Variants in GOLPH3L observed in about 807,000 individuals in gnomAD.
GOLPH3L encodes the protein Golgi phosphoprotein 3-like.
Under a neutral mutation model 30.3 loss-of-function variants are expected in GOLPH3L, and 22 were observed. The ratio of observed to expected loss-of-function variants is 0.73; its 90% CI spans 0.52 to 1.04. GOLPH3L has a LOEUF of 1.04. Among genes scored for constraint, GOLPH3L ranks in the 50% least tolerant of loss-of-function variants. The probability of loss-of-function intolerance (pLI) is 0.00; values close to 1 mark genes in which losing one functional copy is unlikely to be tolerated. For missense variants in GOLPH3L, 303 were observed against 345.8 expected, an observed-to-expected ratio of 0.88 and a Z score of 0.98; for synonymous variants, 120 against 128.2, an observed-to-expected ratio of 0.94 and a Z score of 0.43.
intron 4 of GOLPH3L, among the ~76,000 whole-genome samples, chr1:150,657,427 C>T (rs1055482122): frequency 3.3e-5 from 5 of 152,218 alleles, no homozygotes; most frequent in Admixed American, 6.5e-5. Flanking sequence ...ATGGTATATT[C>T]CTCATCTTTT....
At chr1:150,688,288 T>C (rs765129449) in intron 2 of GOLPH3L, among the ~76,000 whole-genome samples, 9 of 152,266 alleles carry the variant, frequency 5.9e-5, no homozygotes, top group Non-Finnish European at 1.0e-4. Flanking sequence ...TCAGCTCTCA[T>C]ACTTCAGTTT....
intron 2 of GOLPH3L, among the ~76,000 whole-genome samples, chr1:150,667,574 GTCTTT>G (rs1414157782): frequency 6.7e-6 from 1 of 150,344 alleles, no homozygotes; most frequent in African/African-American, 2.4e-5. Context: ...CTATTTACTA[GTCTTT>G]TCTTTTTTTT....
chr1:150,656,989 T>C (rs1489392996), intron 4 of GOLPH3L, among the ~76,000 whole-genome samples: 1 of 152,348 alleles, frequency 6.6e-6, no homozygotes. Context: ...GGTAAAGTTT[T>C]CCAGACGCCC....
chr1:150,662,339 T>G (rs976322664), intron 3 of GOLPH3L, among the ~76,000 whole-genome samples: 1 of 151,686 alleles, frequency 6.6e-6, no homozygotes, highest in African/African-American at 2.4e-5. Context: ...TGGCAAAATC[T>G]TTTCTCTATT....
intron 2 of GOLPH3L, among the ~76,000 whole-genome samples, chr1:150,665,282 G>A (rs1307407625): frequency 6.6e-6 from 1 of 152,064 alleles, no homozygotes; most frequent in African/African-American, 2.4e-5. Context: ...TGTTTTTTTG[G>A]TGGTGTTTTA....
At chr1:150,654,234 T>C (rs1650190182) in intron 4 of GOLPH3L, among the ~76,000 whole-genome samples, 1 of 151,284 alleles carries the variant, frequency 6.6e-6, no homozygotes, top group African/African-American at 2.4e-5. Flanking sequence ...GGGCTGGGCA[T>C]GGTGGCTCAT....
Position 150,647,142 on chromosome 1 carries a change from T to C in GOLPH3L, c.*1179A>G, listed in dbSNP as rs1286777541. ...AAAAAGATCTGGAGTTCAGATATAC[T>C]GATATATTCAGCAACTGAAACTTAC... On this transcript the variant is annotated 3_prime_UTR_variant, in exon 5 of 5. Coordinates refer to ENST00000271732, the MANE Select transcript of GOLPH3L (RefSeq NM_018178.6). 2 of 152,192 alleles carry C rather than the reference T, an allele frequency of 1.3e-5. No individual in the cohort carries two copies. The highest frequency in any genetic ancestry group is 4.8e-5 in the African/African-American group (2 of 41,442). 9.4% of individuals were successfully genotyped at this position (152,192 alleles called of 1,614,324 possible).
chr1:150,649,195 C>T (rs1311377915), intron 4 of GOLPH3L, among the ~76,000 whole-genome samples: 1 of 152,224 alleles, frequency 6.6e-6, no homozygotes, highest in East Asian at 1.9e-4. Context: ...ACTTCAATTG[C>T]TCCCATTCCA....
chr1:150,689,651 AG>A (rs1196552485), intron 2 of GOLPH3L, among the ~76,000 whole-genome samples: 1 of 152,104 alleles, frequency 6.6e-6, no homozygotes, highest in Non-Finnish European at 1.5e-5. Flanking sequence ...TAATTTAATT[AG>A]TTTATATTTT....
chr1:150,652,237 C>T (rs1650118422), intron 4 of GOLPH3L, among the ~76,000 whole-genome samples: 1 of 151,526 alleles, frequency 6.6e-6, no homozygotes, highest in Non-Finnish European at 1.5e-5. Flanking sequence ...AAAAGCAAAG[C>T]AGGTGTGGTG....
intron 2 of GOLPH3L, among the ~76,000 whole-genome samples, chr1:150,693,495 G>A (rs587606225): frequency 9.9e-5 from 15 of 151,944 alleles, no homozygotes; most frequent in South Asian, 4.2e-4. Context: ...GAGGGGGGGC[G>A]GTTATTTAAG....
chr1:150,681,898 C>A (rs1040966212), intron 2 of GOLPH3L, among the ~76,000 whole-genome samples: 8 of 151,958 alleles, frequency 5.3e-5, no homozygotes, highest in African/African-American at 1.5e-4. Flanking sequence ...AAAGCCCTGT[C>A]TCTACTAAAA....
chr1:150,652,421 C>T (rs934635049), intron 4 of GOLPH3L, among the ~76,000 whole-genome samples: 1 of 68,144 alleles, frequency 1.5e-5, no homozygotes, highest in Admixed American at 1.4e-4. Context: ...CTAAAAAAAA[C>T]AAAACAAAAA....
At chr1:150,683,750 A>ATGT (rs1275584105) in intron 2 of GOLPH3L, among the ~76,000 whole-genome samples, 2 of 149,412 alleles carry the variant, frequency 1.3e-5, no homozygotes, top group East Asian at 3.9e-4. Flanking sequence ...TACTCAATAA[A>ATGT]TGTTGGCTCA....
At chr1:150,667,412 T>C (rs1405545550) in intron 2 of GOLPH3L, among the ~76,000 whole-genome samples, 2 of 152,114 alleles carry the variant, frequency 1.3e-5, no homozygotes, top group African/African-American at 4.8e-5. Flanking sequence ...CCTCCCCTCA[T>C]GCTTAAAAAT....
chr1:150,680,330 T>A (rs1044630325), intron 2 of GOLPH3L, among the ~76,000 whole-genome samples: 1 of 152,214 alleles, frequency 6.6e-6, no homozygotes, highest in Non-Finnish European at 1.5e-5. Context: ...AAGCCACACA[T>A]AACTAATTCA....
intron 2 of GOLPH3L, among the ~76,000 whole-genome samples, chr1:150,692,270 C>CA: frequency 6.6e-6 from 1 of 152,302 alleles, no homozygotes; most frequent in Non-Finnish European, 1.5e-5. Context: ...CTCTTCTATT[C>CA]ATTTACACCT....
rs1649987243 is a variant in GOLPH3L at position 150,646,849 on chromosome 1, T to G, written c.*1472A>C. The G allele has an allele frequency of 6.6e-6, 1 of 152,330 alleles. No individual in the cohort carries two copies. Among genetic ancestry groups the G allele is most frequent in the Admixed American group, 6.5e-5 (1 of 15,298 alleles). 9.4% of individuals were successfully genotyped at this position (152,330 alleles called of 1,614,324 possible). A position where few individuals can be genotyped will look rare whatever the true frequency, so the allele number is the denominator to read the frequency against. On this transcript the variant is annotated 3_prime_UTR_variant, in exon 5 of 5. Coordinates refer to ENST00000271732, the MANE Select transcript of GOLPH3L (RefSeq NM_018178.6). Reference sequence around the variant, plus strand: ...TCAGCACAGCTCAGTGCACATCCTCTTTATATCCTCAAATACTGGACTTTA... The same window carrying G: ...TCAGCACAGCTCAGTGCACATCCTCGTTATATCCTCAAATACTGGACTTTA...
intron 4 of GOLPH3L, among the ~76,000 whole-genome samples, chr1:150,652,677 C>T (rs970724300): frequency 1.3e-5 from 2 of 151,852 alleles, no homozygotes; most frequent in African/African-American, 4.8e-5. Context: ...ATTTATAAAG[C>T]AATTGCACAA....
Sources: gnomAD v4.1 joint callset for allele counts (sites outside exome capture counted in the v4.1 genomes callset) on GRCh38, gnomAD v4.1.1 for gene constraint, MANE v1.5 for transcripts, NCBI Gene and HGNC (gene_info 2026-07-23, HGNC 2026-07-21) for gene names.